The following SPATA13 variants were observed in gnomAD, a reference collection of about 807,000 sequenced individuals.
SPATA13 encodes the protein spermatogenesis associated 13.
In SPATA13, 50 loss-of-function variants were observed where a neutral mutation model predicts 104.0. That is an observed-to-expected ratio of 0.48 (90% CI 0.38 to 0.61). The LOEUF is 0.61. Ranked by LOEUF, SPATA13 falls within the 20% of genes least tolerant of loss-of-function variation. The probability of loss-of-function intolerance (pLI) is 0.00; values close to 1 mark genes in which losing one functional copy is unlikely to be tolerated. For missense variants in SPATA13, 1,524 were observed against 1,690.6 expected, an observed-to-expected ratio of 0.90 and a Z score of 1.73; for synonymous variants, 606 against 667.5, an observed-to-expected ratio of 0.91 and a Z score of 1.42.
chr13:24,232,425 A>T (rs535483327), intron 2 of SPATA13, among the ~76,000 whole-genome samples: 1 of 152,268 alleles, frequency 6.6e-6, no homozygotes, highest in Non-Finnish European at 1.5e-5. Flanking sequence ...TCACAAACGC[A>T]CCCAGAAATA....
chr13:24,012,373 A>C (rs1214508428), intron 2 of SPATA13, among the ~76,000 whole-genome samples: 1 of 152,220 alleles, frequency 6.6e-6, no homozygotes, highest in East Asian at 1.9e-4. Context: ...GGGGGACATC[A>C]CCAGCAGATG....
intron 1 of SPATA13, among the ~76,000 whole-genome samples, chr13:24,221,949 A>G (rs1351214672): frequency 6.6e-6 from 1 of 151,672 alleles, no homozygotes; most frequent in Non-Finnish European, 1.5e-5. Context: ...AGTAGCTAGG[A>G]TTATAGGTGC....
At chr13:24,211,917 G>A (rs1299597118) in intron 1 of SPATA13, among the ~76,000 whole-genome samples, 1 of 152,054 alleles carries the variant, frequency 6.6e-6, no homozygotes, top group Non-Finnish European at 1.5e-5. Flanking sequence ...TCCGTGTGTC[G>A]GCTGAAGGAG....
At chr13:24,302,133 G>C (rs2138781017) in intron 12 of SPATA13, among the ~76,000 whole-genome samples, 1 of 152,224 alleles carries the variant, frequency 6.6e-6, no homozygotes, top group South Asian at 2.1e-4. Context: ...CTGGCATTCA[G>C]TTTCTTTCCC....
At chr13:24,084,543 T>TA (rs33950980) in intron 3 of SPATA13, among the ~76,000 whole-genome samples, 2 of 152,012 alleles carry the variant, frequency 1.3e-5, no homozygotes, top group African/African-American at 4.8e-5. Flanking sequence ...TGGTTTTTCT[T>TA]AAAAAAAAGC....
At chr13:24,284,506 C>CA (rs1486584213) in intron 5 of SPATA13, among the ~76,000 whole-genome samples, 3 of 152,002 alleles carry the variant, frequency 2.0e-5, no homozygotes, top group Non-Finnish European at 4.4e-5. Flanking sequence ...ACTAAAAATA[C>CA]AAAAAAATTA....
At chr13:24,035,887 C>T (rs532186225) in intron 3 of SPATA13, among the ~76,000 whole-genome samples, 2 of 152,052 alleles carry the variant, frequency 1.3e-5, no homozygotes, top group South Asian at 2.1e-4. Context: ...TCATGGCTCA[C>T]GCCTGTAGTC....
chr13:24,223,942 G>C lies in SPATA13; in HGVS notation c.1013G>C (p.Arg338Thr). The change falls in exon 2 of 13, where the codon AGG becomes ACG. Residue 338 changes from arginine to threonine, a missense_variant. Arg to Thr is a moderately conservative substitution (Grantham distance 71). This residue lies in a region of SPATA13 where 1,089 missense variants were observed against 1,135.9 expected (regional missense o/e 0.96). Coordinates refer to ENST00000382108, the MANE Select transcript of SPATA13 (RefSeq NM_001166271.3). ...GCTGCCTGGAGGAGGGAGAGTCCTAGGAGTGGGGCCCCATCCCCTGGAGAG... is the reference window on the plus strand; with the variant it reads ...GCTGCCTGGAGGAGGGAGAGTCCTACGAGTGGGGCCCCATCCCCTGGAGAG... ...TEAAWRRESP[R>T]SGAPSPGEAS... is the part of the protein sequence containing the mutation. 1 of 1,550,828 alleles carries C rather than the reference G, an allele frequency of 6.4e-7. No homozygotes were observed. Among genetic ancestry groups the C allele is most frequent in the Non-Finnish European group, 8.7e-7 (1 of 1,146,486 alleles).
chr13:24,194,009 C>T (rs184364953), intron 1 of SPATA13, among the ~76,000 whole-genome samples: 140 of 152,258 alleles, frequency 9.2e-4, no homozygotes, highest in Non-Finnish European at 5.3e-4. Context: ...GGTTTCTTAC[C>T]TTCTCAACCA....
At chr13:24,069,239 T>C (rs1334126088) in intron 3 of SPATA13, among the ~76,000 whole-genome samples, 1 of 152,228 alleles carries the variant, frequency 6.6e-6, no homozygotes, top group East Asian at 1.9e-4. Context: ...CAATGTTGAT[T>C]CTTCCCATCC....
intron 1 of SPATA13, among the ~76,000 whole-genome samples, chr13:24,222,294 C>T (rs562563877): frequency 1.3e-5 from 2 of 152,258 alleles, no homozygotes; most frequent in South Asian, 4.2e-4. Context: ...GCGTCTCAGC[C>T]CTCCTGGACA....
At chr13:24,146,568 C>A (rs1414928511) in intron 3 of SPATA13, among the ~76,000 whole-genome samples, 2 of 152,126 alleles carry the variant, frequency 1.3e-5, no homozygotes, top group East Asian at 1.9e-4. Context: ...ATAATTAACA[C>A]AGAGGAAAGT....
chr13:24,221,176 G>A (rs1871565944), intron 1 of SPATA13, among the ~76,000 whole-genome samples: 1 of 152,116 alleles, frequency 6.6e-6, no homozygotes, highest in African/African-American at 2.4e-5. Flanking sequence ...GCTTTGTGGG[G>A]ACAGCTGCAG....
chr13:24,295,469 A>G (rs999476017), intron 10 of SPATA13, among the ~76,000 whole-genome samples: 3 of 152,074 alleles, frequency 2.0e-5, no homozygotes, highest in African/African-American at 7.3e-5. Flanking sequence ...AAAATCAGCC[A>G]GGCATGGTGG....
chr13:23,980,352 G>T (rs1874825674), intron 1 of SPATA13, among the ~76,000 whole-genome samples: 1 of 152,332 alleles, frequency 6.6e-6, no homozygotes, highest in South Asian at 2.1e-4. Context: ...GGCGACGGAG[G>T]AGCCGCGGGG....
chr13:24,134,182 A>G lies in SPATA13; in HGVS notation c.-111-88637A>G, dbSNP rs541440483. 6.6e-5 allele frequency among the ~76,000 whole-genome samples: 10 copies of G among 152,308 alleles called. No homozygotes were observed. The South Asian group carries it at 1.9e-3, about 28-fold the overall frequency. On this transcript the variant is annotated intron_variant, in intron 3 of 14. Coordinates refer to the SPATA13 transcript ENST00000424834. ...TGTCCTTGGCTGTGGGTTTGGGCCA[A>G]TGAATTTCTCTCCCCAGCATGAGGA...
At chr13:24,231,279 C>T (rs1460893647) in intron 2 of SPATA13, among the ~76,000 whole-genome samples, 1 of 152,234 alleles carries the variant, frequency 6.6e-6, no homozygotes. Context: ...CTGTTCCTAG[C>T]CCCAGCCTCA....
chr13:23,988,429 T>C (rs1875254234), intron 2 of SPATA13, among the ~76,000 whole-genome samples: 9 of 152,384 alleles, frequency 5.9e-5, no homozygotes, highest in Admixed American at 5.9e-4. Flanking sequence ...CAGTTCTCTG[T>C]GGATAGGCTT....
intron 1 of SPATA13, among the ~76,000 whole-genome samples, chr13:24,190,276 A>ATATACCATATGG (rs1869606226): frequency 1.1e-3 from 2 of 1,834 alleles, no homozygotes; most frequent in African/African-American, 1.4e-3. Context: ...ATATATTATT[A>ATATACCATATGG]TATATAATAT....
Sources: gnomAD v4.1 joint callset for allele counts (sites outside exome capture counted in the v4.1 genomes callset) on GRCh38, gnomAD v4.1.1 for gene constraint, gnomAD v4.1.1 regional missense constraint, MANE v1.5 for transcripts, NCBI Gene and HGNC (gene_info 2026-07-23, HGNC 2026-07-21) for gene names.